PCDH15: variants seen among roughly 807,000 people sequenced by gnomAD.
PCDH15 encodes the protein protocadherin related 15.
A neutral mutation model predicts 178.5 loss-of-function variants in PCDH15; 129 were observed. That is an observed-to-expected ratio of 0.72 (90% CI 0.63 to 0.84). The LOEUF (loss-of-function observed/expected upper bound fraction) is 0.84. Among genes scored for constraint, PCDH15 ranks in the 40% least tolerant of loss-of-function variants. The pLI, the probability that PCDH15 is intolerant of heterozygous loss-of-function variation, is 0.00. For missense variants in PCDH15, 2,230 were observed against 2,099.9 expected (o/e 1.06, Z -1.21); for synonymous variants, 800 against 732.0 (o/e 1.09, Z -1.50).
chr10:55,523,433 A>G (rs1043663340), intron 2 of PCDH15, among the ~76,000 whole-genome samples: 1 of 151,714 alleles, frequency 6.6e-6, no homozygotes, highest in Non-Finnish European at 1.5e-5. Context: ...TGATAAGTGT[A>G]TATAATACTG....
intron 15 of PCDH15, among the ~76,000 whole-genome samples, chr10:54,091,711 C>T (rs1017944298): frequency 3.9e-5 from 6 of 152,216 alleles, no homozygotes; most frequent in South Asian, 4.1e-4. Context: ...ATACTTCCTT[C>T]GCATGGCTCC....
At chr10:55,591,351 C>T (rs1318043708) in intron 2 of PCDH15, among the ~76,000 whole-genome samples, 2 of 152,094 alleles carry the variant, frequency 1.3e-5, no homozygotes, top group African/African-American at 4.8e-5. Context: ...AGGAGGCTTG[C>T]TTGAGCCCAG....
At chr10:55,350,358 A>T (rs908396152) in intron 2 of PCDH15, among the ~76,000 whole-genome samples, 1 of 150,024 alleles carries the variant, frequency 6.7e-6, no homozygotes, top group Non-Finnish European at 1.5e-5. Flanking sequence ...CTCCTAGGCC[A>T]CCAGGGAGGT....
At chr10:54,363,597 T>G (rs893724017) in intron 5 of PCDH15, among the ~76,000 whole-genome samples, 1 of 152,166 alleles carries the variant, frequency 6.6e-6, no homozygotes, top group Non-Finnish European at 1.5e-5. Flanking sequence ...GATATACACA[T>G]GCTCTAATTT....
chr10:54,135,229 C>T (rs545756050), intron 14 of PCDH15, among the ~76,000 whole-genome samples: 1 of 151,730 alleles, frequency 6.6e-6, no homozygotes, highest in South Asian at 2.1e-4. Context: ...TTCATGCTTA[C>T]ATTTATCATG....
intron 2 of PCDH15, among the ~76,000 whole-genome samples, chr10:55,591,990 G>C (rs1489511776): frequency 6.6e-6 from 1 of 151,940 alleles, no homozygotes; most frequent in African/African-American, 2.4e-5. Flanking sequence ...AAAGTGATAA[G>C]GATTTTCAAG....
intron 2 of PCDH15, among the ~76,000 whole-genome samples, chr10:54,535,737 A>T (rs2084444467): frequency 6.7e-6 from 1 of 149,312 alleles, no homozygotes; most frequent in African/African-American, 2.5e-5. Flanking sequence ...AAAAAAAAGA[A>T]GTTTAAGGTT....
At chr10:54,639,953 G>A (rs945561167) in intron 2 of PCDH15, among the ~76,000 whole-genome samples, 4 of 152,070 alleles carry the variant, frequency 2.6e-5, no homozygotes, top group African/African-American at 9.7e-5. Flanking sequence ...GGTCATGGTG[G>A]TGCATGCCTG....
intron 2 of PCDH15, among the ~76,000 whole-genome samples, chr10:55,145,521 A>G (rs1838483202): frequency 6.6e-6 from 1 of 151,898 alleles, no homozygotes; most frequent in Admixed American, 6.6e-5. Context: ...ACTTATGTAG[A>G]CCCATAATTG....
At chr10:55,375,142 C>G (rs1845589415) in intron 2 of PCDH15, among the ~76,000 whole-genome samples, 1 of 152,092 alleles carries the variant, frequency 6.6e-6, no homozygotes, top group Non-Finnish European at 1.5e-5. Context: ...GTGGTAATGT[C>G]AATTCTGAGT....
intron 2 of PCDH15, among the ~76,000 whole-genome samples, chr10:55,391,902 CCTT>C (rs1469218421): frequency 1.3e-5 from 2 of 152,202 alleles, no homozygotes; most frequent in Non-Finnish European, 2.9e-5. Flanking sequence ...ATGTCGTTCT[CCTT>C]AACCATTTTT....
intron 2 of PCDH15, among the ~76,000 whole-genome samples, chr10:55,064,522 T>G (rs1841514139): frequency 6.6e-6 from 1 of 152,042 alleles, no homozygotes; most frequent in South Asian, 2.1e-4. Flanking sequence ...AGAAAAAAAT[T>G]GAAATCATTG....
At chr10:54,617,667 C>T (rs1168355867) in intron 2 of PCDH15, among the ~76,000 whole-genome samples, 2 of 149,290 alleles carry the variant, frequency 1.3e-5, no homozygotes, top group African/African-American at 5.0e-5. Flanking sequence ...CACGGTGGCT[C>T]ATGCCTGTAA....
intron 1 of PCDH15, among the ~76,000 whole-genome samples, chr10:54,786,171 C>T (rs895321505): frequency 1.6e-4 from 24 of 152,012 alleles, no homozygotes; most frequent in Non-Finnish European, 5.9e-5. Flanking sequence ...GACACAAAAC[C>T]GGCAGCTTGA....
At chr10:55,149,953 C>A (rs1278629449) in intron 2 of PCDH15, among the ~76,000 whole-genome samples, 1 of 151,446 alleles carries the variant, frequency 6.6e-6, no homozygotes, top group African/African-American at 2.4e-5. Flanking sequence ...CATTCTCACC[C>A]AAACACATGC....
At chr10:54,314,205 A>C (rs959718894) in intron 8 of PCDH15, among the ~76,000 whole-genome samples, 8 of 152,052 alleles carry the variant, frequency 5.3e-5, no homozygotes, top group African/African-American at 1.7e-4. Flanking sequence ...TGATTGAAAA[A>C]GATTATTATC....
At chr10:53,868,394 T>G (rs891095178) in intron 26 of PCDH15, among the ~76,000 whole-genome samples, 1 of 152,022 alleles carries the variant, frequency 6.6e-6, no homozygotes, top group Non-Finnish European at 1.5e-5. Flanking sequence ...AATAACAATA[T>G]AAAAAACTGA....
rs2075828123 is a variant in PCDH15, at chr10:53,810,586, A to C, written c.4641T>G (p.Gly1547=). The stretch of plus-strand genomic sequence containing the variant: ...CCTCCTCATATTCTTCCTCAGCTTC[A>C]CCAACCACCTCACCATATTCCTCCT... ...AGQEEYGEVV[G]EAEEEYEEEE... Residue 1547 remains glycine, a synonymous_variant, in exon 37 of 38, where the codon GGT becomes GGG. Coordinates refer to ENST00000644397, the MANE Select transcript of PCDH15 (RefSeq NM_001384140.1). The C allele has an allele frequency of 6.2e-7, 1 of 1,613,806 alleles. No homozygotes were observed. The highest frequency in any genetic ancestry group is 8.5e-7 in the Non-Finnish European group (1 of 1,179,810).
chr10:55,010,923 G>C (rs10763168), intron 2 of PCDH15, among the ~76,000 whole-genome samples: 80,211 of 151,762 alleles, frequency 0.53, 22,222 homozygotes, highest in East Asian at 0.75. Context: ...TCTTTCATAG[G>C]AAAACCCATT....
Sources: gnomAD v4.1 joint callset for allele counts (sites outside exome capture counted in the v4.1 genomes callset) on GRCh38, gnomAD v4.1.1 for gene constraint, MANE v1.5 for transcripts, NCBI Gene and HGNC (gene_info 2026-07-23, HGNC 2026-07-21) for gene names.